Variants in SERPINF2 observed in about 807,000 individuals in gnomAD.
SERPINF2 encodes the protein alpha-2-antiplasmin.
Under a neutral mutation model 45.0 loss-of-function variants are expected in SERPINF2, and 15 were observed. That is an observed-to-expected ratio of 0.33 (90% CI 0.22 to 0.51). The LOEUF (loss-of-function observed/expected upper bound fraction) is 0.51, where lower values mean the gene tolerates loss of function less well. Ranked by LOEUF, SERPINF2 falls within the 20% of genes least tolerant of loss-of-function variation. The probability of loss-of-function intolerance (pLI) is 0.97; values close to 1 mark genes in which losing one functional copy is unlikely to be tolerated. For missense variants in SERPINF2, 518 were observed against 637.4 expected, an observed-to-expected ratio of 0.81 and a Z score of 2.02; for synonymous variants, 283 against 277.9, an observed-to-expected ratio of 1.02 and a Z score of -0.18.
chr17:1,748,491 A>ACGGGCTGGGGGTGCAGAGCC, intron 7 of SERPINF2, 107 bp from the exon 8 acceptor site: 2 of 1,463,806 alleles, frequency 1.4e-6, no homozygotes, highest in South Asian at 1.1e-5. Context: ...GGGACAGGCA[A>ACGGGCTGGGGGTGCAGAGCC]CGGGCTGGGG....
Position 1,745,546 on chromosome 17 carries a change from C to T in SERPINF2, c.165+151C>T, listed in dbSNP as rs536553451. On this transcript the variant is annotated intron_variant, in intron 4 of 9. Coordinates refer to ENST00000453066, the MANE Select transcript of SERPINF2 (RefSeq NM_000934.4). This position sits in a 1 kb window ranked among gnomAD's most constrained non-coding sequence, Gnocchi z 6.2. ...GAGGGTGGGGAGGACCGAAGGTGGG[C>T]GCCAGGCCCCAGAATGCCAGTGCCC... 373 of 1,185,880 alleles carry T rather than the reference C, an allele frequency of 3.1e-4. 2 individuals carry two copies. The highest frequency in any genetic ancestry group is 5.5e-4 in the Middle Eastern group (2 of 3,646). 73.5% of individuals were successfully genotyped at this position (1,185,880 alleles called of 1,614,324 possible).
intron 7 of SERPINF2, among the ~76,000 whole-genome samples, chr17:1,748,040 C>T (rs1403291527): frequency 6.6e-6 from 1 of 151,180 alleles, no homozygotes; most frequent in Non-Finnish European, 1.5e-5. Context: ...TGGCTCACGC[C>T]TGTAATCCCA....
Position 1,749,570 on chromosome 17 carries a change from C to T in SERPINF2, c.858+830C>T, listed in dbSNP as rs964996290. On this transcript the variant is annotated intron_variant, in intron 8 of 9. Transcript: ENST00000453066. ...CTGAGATCGCACCACTGCACTCCAG[C>T]CTGGGAGACAGATTGAGACTCCGAC... Among the ~76,000 whole-genome samples the T allele has an allele frequency of 2.6e-5, 4 of 152,204 alleles. No homozygotes were observed. The East Asian group carries it at 5.8e-4, about 22-fold the overall frequency.
intron 5 of SERPINF2, among the ~76,000 whole-genome samples, chr17:1,746,639 G>T (rs960939615): frequency 1.3e-5 from 2 of 151,898 alleles, no homozygotes; most frequent in African/African-American, 4.8e-5. Flanking sequence ...GTTGGCCAGG[G>T]TGGTCTCGAA....
At chr17:1,753,661 G>A (rs1906581933) in intron 9 of SERPINF2, among the ~76,000 whole-genome samples, 1 of 152,188 alleles carries the variant, frequency 6.6e-6, no homozygotes, top group African/African-American at 2.4e-5. Flanking sequence ...ACTCCAGCCT[G>A]GATGACAGAG....
At chr17:1,750,305 T>C (rs933297753) in intron 8 of SERPINF2, among the ~76,000 whole-genome samples, 7 of 152,036 alleles carry the variant, frequency 4.6e-5, no homozygotes, top group Non-Finnish European at 7.4e-5. Context: ...CCCGCCACCA[T>C]GCCCAGCTAA....
chr17:1,750,241 C>T (rs1425297087), intron 8 of SERPINF2, among the ~76,000 whole-genome samples: 1 of 152,064 alleles, frequency 6.6e-6, no homozygotes, highest in African/African-American at 2.4e-5. Flanking sequence ...CTCTACCTCC[C>T]GGGTTCAAGG....
rs1479950626 is a variant in SERPINF2, at chr17:1,753,514, C to T, written c.1064-608C>T. On this transcript the variant is annotated intron_variant, in intron 9 of 9. Transcript: ENST00000453066. ...CCAGCCTGGCCAACATGGCCAAACC[C>T]GTCTCCACTAAAAATACAAAAATTA... Among the ~76,000 whole-genome samples, 12 of 152,268 alleles carry T rather than the reference C, an allele frequency of 7.9e-5. No homozygotes were observed. The South Asian group carries it at 8.3e-4, about 11-fold the overall frequency.
chr17:1,752,478 C>T, intron 8 of SERPINF2, 108 bp from the exon 9 acceptor site: 1 of 949,524 alleles, frequency 1.1e-6, no homozygotes. Flanking sequence ...ACACGCCTGG[C>T]AGGATGGCCA....
intron 7 of SERPINF2, 143 bp from the exon 8 acceptor site, chr17:1,748,455 G>C (rs1192429948): frequency 9.6e-7 from 1 of 1,043,984 alleles, no homozygotes; most frequent in Non-Finnish European, 1.5e-6. Context: ...CTCCACCGCT[G>C]TCTCATCCTT....
rs140718408 is a variant in SERPINF2 at position 1,743,819 on chromosome 17, C to T, written c.-5+911C>T. On this transcript the variant is annotated intron_variant, in intron 1 of 9. Coordinates refer to ENST00000453066, the MANE Select transcript of SERPINF2 (RefSeq NM_000934.4). ...GGTGGAGGCTTCAGGGCAGGCTTCCCAGAAGAGGTGGCCTTGAGCCAAGCT... is the reference window on the plus strand; with the variant it reads ...GGTGGAGGCTTCAGGGCAGGCTTCCTAGAAGAGGTGGCCTTGAGCCAAGCT... Among the ~76,000 whole-genome samples the T allele has an allele frequency of 4.5e-3, 687 of 152,008 alleles. 3 individuals carry two copies. The highest frequency in any genetic ancestry group is 6.8e-3 in the Middle Eastern group (2 of 294).
chr17:1,748,841 G>T, intron 8 of SERPINF2, 101 bp downstream of exon 8: 1 of 777,476 alleles, frequency 1.3e-6, no homozygotes. Context: ...AGGCTGTCTC[G>T]CCTTCCTTGC....
At chr17:1,752,922 G>C (rs529559415) in intron 9 of SERPINF2, 132 bp downstream of exon 9, 2 of 782,782 alleles carry the variant, frequency 2.6e-6, no homozygotes. Context: ...TTCGGGAGCG[G>C]GGAGAGGGTT....
Position 1,745,399 on chromosome 17 carries a change from C to T in SERPINF2, c.165+4C>T, listed in dbSNP as rs374446894. On this transcript the variant is annotated splice_donor_region_variant and intron_variant, in intron 4 of 9. Coordinates refer to ENST00000453066, the MANE Select transcript of SERPINF2 (RefSeq NM_000934.4). The surrounding 1 kb of genome is among the most constrained non-coding windows in gnomAD (Gnocchi z 6.2). The stretch of plus-strand genomic sequence containing the variant: ...CCTCCTCAAGTTGGGCAACCAGGTA[C>T]AACCAGGTGGGGCTGGGGAAGAGTG... The T allele has an allele frequency of 1.2e-6, 2 of 1,605,330 alleles. No homozygotes were observed. Among genetic ancestry groups the T allele is most frequent in the Non-Finnish European group, 8.5e-7 (1 of 1,179,018 alleles).
In SERPINF2 at chr17:1,745,415, G is replaced by A. The variant is rs1271466881; in HGVS notation, c.165+20G>A. The A allele has an allele frequency of 1.2e-6, 2 of 1,611,772 alleles. No individual in the cohort carries two copies. The highest frequency in any genetic ancestry group is 1.7e-6 in the Non-Finnish European group (2 of 1,179,672). ...AACCAGGTACAACCAGGTGGGGCTG[G>A]GGAAGAGTGGGCGGGGCTAGAGGGA... On this transcript the variant is annotated intron_variant, in intron 4 of 9. Transcript: ENST00000453066. This position sits in a 1 kb window ranked among gnomAD's most constrained non-coding sequence, Gnocchi z 6.2.
Position 1,747,053 on chromosome 17 carries a change from G to C in SERPINF2, c.402G>C (p.Gln134His). ...ACCACACGTTGCAGAGGCTGCAACA[G>C]GTGCTGCACGCAGGCTCAGGGCCCT... is the stretch of plus-strand genomic sequence containing the variant. ...AQNHTLQRLQ[Q>H]VLHAGSGPCL... The change falls in exon 6 of 10, where the codon CAG becomes CAC. Residue 134 changes from glutamine (Q) to histidine (H), a missense_variant. By Grantham distance (24) the Gln-to-His change is conservative. Coordinates refer to ENST00000453066, the MANE Select transcript of SERPINF2 (RefSeq NM_000934.4). 1.2e-6 allele frequency: 2 copies of C among 1,608,088 alleles called. No homozygotes were observed. Among genetic ancestry groups the C allele is most frequent in the South Asian group, 2.2e-5 (2 of 91,000 alleles).
chr17:1,748,319 A>G (rs978904048), intron 7 of SERPINF2, among the ~76,000 whole-genome samples: 7 of 147,022 alleles, frequency 4.8e-5, no homozygotes, highest in Non-Finnish European at 1.1e-4. Flanking sequence ...AAAAAAAAAG[A>G]TCCAGGAGGA....
rs753156145 is a variant in SERPINF2, at chr17:1,745,889, C to G, written c.347C>G (p.Ala116Gly). ...CTGTCACCCCTGAGTGTGGCCCTGGCGCTGTCTCACCTGGCACTAGGTACC... is the reference window on the plus strand; with the variant it reads ...CTGTCACCCCTGAGTGTGGCCCTGGGGCTGTCTCACCTGGCACTAGGTACC... ...LILSPLSVALALSHLALGAQN... is the reference protein window; with the variant it reads ...LILSPLSVALGLSHLALGAQN... Residue 116 changes from alanine to glycine, a missense_variant, in exon 5 of 10, where the codon GCG (alanine) becomes GGG (glycine). Physicochemically the swap from Ala to Gly is moderately conservative, Grantham distance 60. Around this residue, in one of 2 missense-constraint regions of SERPINF2, gnomAD observed 435 missense variants for 577.3 expected, o/e 0.75. Coordinates refer to ENST00000453066, the MANE Select transcript of SERPINF2 (RefSeq NM_000934.4). This position sits in a 1 kb window ranked among gnomAD's most constrained non-coding sequence, Gnocchi z 6.2. The G allele has an allele frequency of 2.5e-6, 4 of 1,613,914 alleles. No homozygotes were observed. Among genetic ancestry groups the G allele is most frequent in the East Asian group, 2.2e-5 (1 of 44,890 alleles).
rs202238529 is a variant in SERPINF2, at chr17:1,748,563, C to T, written c.716-35C>T. ...CTGCCCTCTGCCCCAAGCTGGTCCC[C>T]GTCGACGTGACCCCTGCCCTCTGCT... On this transcript the variant is annotated intron_variant, in intron 7 of 9. Coordinates refer to ENST00000453066, the MANE Select transcript of SERPINF2 (RefSeq NM_000934.4). The T allele has an allele frequency of 1.1e-5, 17 of 1,609,232 alleles. No individual in the cohort carries two copies. In the Admixed American group the frequency reaches 1.2e-4, roughly 11 times the overall value.
Sources: allele counts gnomAD v4.1 joint callset (sites outside exome capture counted in the v4.1 genomes callset), GRCh38; gene constraint gnomAD v4.1.1; regional missense constraint gnomAD v4.1.1; non-coding constraint Gnocchi (gnomAD v3.1); transcripts MANE v1.5; gene names NCBI Gene and HGNC (gene_info 2026-07-23, HGNC 2026-07-21).